The following ITFG1 variants were observed in gnomAD, a reference collection of about 807,000 sequenced individuals.
ITFG1 encodes integrin alpha FG-GAP repeat containing 1.
ITFG1 carries 34 observed loss-of-function variants against 81.8 expected under a neutral mutation model. The ratio of observed to expected loss-of-function variants is 0.42; its 90% CI spans 0.32 to 0.55. The LOEUF (loss-of-function observed/expected upper bound fraction) is 0.55, where lower values mean the gene tolerates loss of function less well. Ranked by LOEUF, ITFG1 falls within the 20% of genes least tolerant of loss-of-function variation. The pLI, the probability that ITFG1 is intolerant of heterozygous loss-of-function variation, is 0.17. For missense variants in ITFG1, 672 were observed against 755.4 expected, an observed-to-expected ratio of 0.89 and a Z score of 1.29; for synonymous variants, 285 against 270.6, an observed-to-expected ratio of 1.05 and a Z score of -0.52.
At chr16:47,228,268 G>C (rs1965777944) in intron 13 of ITFG1, among the ~76,000 whole-genome samples, 1 of 152,166 alleles carries the variant, frequency 6.6e-6, no homozygotes, top group African/African-American at 2.4e-5. Flanking sequence ...ATAAATAGTG[G>C]TTGAAGTAAT....
At chr16:47,337,264 G>A (rs533441271) in intron 8 of ITFG1, among the ~76,000 whole-genome samples, 1 of 152,084 alleles carries the variant, frequency 6.6e-6, no homozygotes, top group African/African-American at 2.4e-5. Context: ...TGGAAGGTCA[G>A]TGGAATAACT....
chr16:47,287,127 T>C (rs1466610927), intron 10 of ITFG1, among the ~76,000 whole-genome samples: 3 of 152,170 alleles, frequency 2.0e-5, no homozygotes, highest in African/African-American at 7.2e-5. Flanking sequence ...GGTTAAGAAA[T>C]GATGCTGCAA....
intron 8 of ITFG1, among the ~76,000 whole-genome samples, chr16:47,349,929 T>C (rs1048782782): frequency 3.9e-5 from 6 of 152,172 alleles, no homozygotes; most frequent in Non-Finnish European, 7.3e-5. Flanking sequence ...GTCAACTACA[T>C]GGAAACTGAA....
chr16:47,373,176 T>C (rs1289128665), intron 7 of ITFG1, among the ~76,000 whole-genome samples: 1 of 152,230 alleles, frequency 6.6e-6, no homozygotes, highest in Non-Finnish European at 1.5e-5. Context: ...ACCATCTGGA[T>C]GTGTCTTGTG....
chr16:47,305,018 C>A (rs1336351423), intron 10 of ITFG1, among the ~76,000 whole-genome samples: 1 of 152,074 alleles, frequency 6.6e-6, no homozygotes, highest in Non-Finnish European at 1.5e-5. Context: ...TACTTTATCA[C>A]AGTATAATTT....
At chr16:47,411,020 G>A (rs917046755) in intron 6 of ITFG1, among the ~76,000 whole-genome samples, 8 of 152,132 alleles carry the variant, frequency 5.3e-5, no homozygotes, top group East Asian at 1.9e-4. Context: ...CACAACCTCC[G>A]CTGAGCAGTT....
intron 13 of ITFG1, among the ~76,000 whole-genome samples, chr16:47,234,539 C>T (rs1424134586): frequency 6.6e-6 from 1 of 151,964 alleles, no homozygotes; most frequent in African/African-American, 2.4e-5. Context: ...AGACCTCAAG[C>T]CACAGAACCA....
rs143249598 is a variant in ITFG1, at chr16:47,281,810, A to C, written c.1071-21115T>G. 2.3e-4 allele frequency among the ~76,000 whole-genome samples: 35 copies of C among 151,764 alleles called. No individual in the cohort carries two copies. The East Asian group carries it at 6.2e-3, about 27-fold the overall frequency. On this transcript the variant is annotated intron_variant, in intron 10 of 17. Transcript: ENST00000320640. ...TTAGAGGTTTAACGATTTTGTTGAT[A>C]TTTTCCAAAAACCAGCTTTTGATTT...
At chr16:47,395,062 A>G (rs927447874) in intron 6 of ITFG1, among the ~76,000 whole-genome samples, 12 of 152,268 alleles carry the variant, frequency 7.9e-5, no homozygotes, top group Non-Finnish European at 1.6e-4. Context: ...TGGACAAAAC[A>G]TTTTTACATG....
chr16:47,306,362 A>C (rs1967158681), intron 10 of ITFG1, among the ~76,000 whole-genome samples: 1 of 152,218 alleles, frequency 6.6e-6, no homozygotes, highest in African/African-American at 2.4e-5. Flanking sequence ...CCACATTTAT[A>C]TTTGCAATGC....
At chr16:47,321,606 T>C (rs1341953591) in intron 8 of ITFG1, among the ~76,000 whole-genome samples, 1 of 152,198 alleles carries the variant, frequency 6.6e-6, no homozygotes, top group East Asian at 1.9e-4. Context: ...GGAGGACTAC[T>C]TGACCCCAGG....
At chr16:47,390,419 C>A (rs1051585483) in intron 6 of ITFG1, among the ~76,000 whole-genome samples, 2 of 152,046 alleles carry the variant, frequency 1.3e-5, no homozygotes, top group African/African-American at 4.8e-5. Flanking sequence ...GACATAACTT[C>A]GGAATGAAAT....
At chr16:47,265,542 A>C (rs1966266517) in intron 10 of ITFG1, among the ~76,000 whole-genome samples, 1 of 152,100 alleles carries the variant, frequency 6.6e-6, no homozygotes, top group African/African-American at 2.4e-5. Context: ...ATACTATCAT[A>C]AAGGTTCTGA....
intron 14 of ITFG1, among the ~76,000 whole-genome samples, chr16:47,215,818 A>AT (rs1300927302): frequency 1.3e-5 from 2 of 152,074 alleles, no homozygotes; most frequent in Admixed American, 6.5e-5. Context: ...AGACATTTAG[A>AT]TTTTTTTCAA....
intron 14 of ITFG1, among the ~76,000 whole-genome samples, chr16:47,183,375 T>C (rs538455068): frequency 0.01 from 1,579 of 152,218 alleles, 11 homozygotes; most frequent in Non-Finnish European, 0.017. Context: ...GACTTAAATG[T>C]CCCTGTCTGA....
At chr16:47,349,706 A>G (rs1459045145) in intron 8 of ITFG1, among the ~76,000 whole-genome samples, 1 of 152,302 alleles carries the variant, frequency 6.6e-6, no homozygotes, top group East Asian at 1.9e-4. Flanking sequence ...TGGACCAAGC[A>G]GACCTAACAG....
chr16:47,242,434 T>A (rs1965945753), intron 12 of ITFG1, among the ~76,000 whole-genome samples: 1 of 151,870 alleles, frequency 6.6e-6, no homozygotes, highest in Admixed American at 6.6e-5. Context: ...GATAAAATTG[T>A]CTGTAAGGAA....
intron 2 of ITFG1, among the ~76,000 whole-genome samples, chr16:47,454,663 T>C (rs1969429974): frequency 6.6e-6 from 1 of 151,944 alleles, no homozygotes; most frequent in South Asian, 2.1e-4. Context: ...AAGAATGGAA[T>C]TTTTTTTAAC....
Position 47,331,280 on chromosome 16 carries a change from G to A in ITFG1, c.803-17457C>T, listed in dbSNP as rs966589731. 6.6e-5 allele frequency among the ~76,000 whole-genome samples: 10 copies of A among 152,144 alleles called. No individual in the cohort carries two copies. In the East Asian group the frequency reaches 7.7e-4, roughly 12 times the overall value. On this transcript the variant is annotated intron_variant, in intron 8 of 17. Transcript: ENST00000320640. ...AGCTAAACCCTGGATACCCATGGAC[G>A]TAAAGATAGAAACAGACACTGGGGA...
Sources: allele counts gnomAD v4.1 joint callset (sites outside exome capture counted in the v4.1 genomes callset), GRCh38; gene constraint gnomAD v4.1.1; transcripts MANE v1.5; gene names NCBI Gene and HGNC (gene_info 2026-07-23, HGNC 2026-07-21).